Variants in POLQ observed in about 807,000 individuals in gnomAD.
The protein encoded by POLQ is DNA polymerase theta.
A neutral mutation model predicts 259.2 loss-of-function variants in POLQ; 233 were observed. That is an observed-to-expected ratio of 0.90 (90% CI 0.81 to 1.00). The LOEUF (loss-of-function observed/expected upper bound fraction) is 1.00, where lower values mean the gene tolerates loss of function less well. Ranked by LOEUF, POLQ falls within the 50% of genes least tolerant of loss-of-function variation. The pLI, the probability that POLQ is intolerant of heterozygous loss-of-function variation, is 0.00. For missense variants in POLQ, 2,871 were observed against 3,051.6 expected (o/e 0.94, Z 1.39); for synonymous variants, 1,025 against 1,048.8 (o/e 0.98, Z 0.44).
intron 24 of POLQ, among the ~76,000 whole-genome samples, chr3:121,464,497 A>C (rs1365363534): frequency 1.3e-5 from 2 of 152,230 alleles, no homozygotes; most frequent in Admixed American, 1.3e-4. Flanking sequence ...AAAATTTTTA[A>C]AAATGCTCTG....
intron 25 of POLQ, among the ~76,000 whole-genome samples, chr3:121,455,206 C>T (rs1188563119): frequency 6.8e-6 from 1 of 146,622 alleles, no homozygotes; most frequent in Admixed American, 6.8e-5. Flanking sequence ...CACAACATAC[C>T]AGAATCTCTG....
At chr3:121,525,172 T>G (rs2048364177) in intron 7 of POLQ, among the ~76,000 whole-genome samples, 1 of 152,032 alleles carries the variant, frequency 6.6e-6, no homozygotes, top group African/African-American at 2.4e-5. Context: ...AAACCCCGTC[T>G]CTACTAAAAA....
At chr3:121,469,464 G>GT (rs1366468015) in intron 22 of POLQ, among the ~76,000 whole-genome samples, 2 of 152,104 alleles carry the variant, frequency 1.3e-5, no homozygotes, top group Non-Finnish European at 1.5e-5. Context: ...CTTGGACGTT[G>GT]TTTTTTTGAA....
At position 121,461,661 on chromosome 3, in the gene POLQ, AAAAG is replaced by A. The variant is rs553550714; in HGVS notation, c.6968-1431_6968-1428del. ...TGAGACTCCGTCTCAAAAAAAAAAA[AAAAG>A]AAAGAAAAAGAAACATTACATGAAA... On this transcript the variant is annotated intron_variant, in intron 24 of 29. Transcript: ENST00000264233. Among the ~76,000 whole-genome samples the A allele has an allele frequency of 5.0e-3, 719 of 143,098 alleles. 17 individuals carry two copies. Among genetic ancestry groups the A allele is most frequent in the African/African-American group, 0.016 (627 of 39,234 alleles). 93.9% of individuals were successfully genotyped at this position (143,098 alleles called of 152,430 possible).
At chr3:121,542,839 C>A (rs931200558) in intron 2 of POLQ, among the ~76,000 whole-genome samples, 1 of 151,738 alleles carries the variant, frequency 6.6e-6, no homozygotes, top group African/African-American at 2.4e-5. Flanking sequence ...ACTTTGGGGC[C>A]GGGCGTGGTG....
rs1560102054 is a variant in POLQ, at chr3:121,504,832, C to G, written c.1959+4729G>C. ...TCAGTGGAAAGCACTAGCCTTCTCT[C>G]AGATGAGACTTTGGACTTCTGAGTT... is the stretch of plus-strand genomic sequence containing the variant. On this transcript the variant is annotated intron_variant, in intron 12 of 29. Coordinates refer to ENST00000264233, the MANE Select transcript of POLQ (RefSeq NM_199420.4). Among the ~76,000 whole-genome samples, 8 of 152,214 alleles carry G rather than the reference C, an allele frequency of 5.3e-5. 2 individuals carry two copies. The South Asian group carries it at 1.7e-3, about 32-fold the overall frequency.
chr3:121,530,776 T>A (rs1042687869), intron 6 of POLQ, among the ~76,000 whole-genome samples: 2 of 152,172 alleles, frequency 1.3e-5, no homozygotes, highest in Admixed American at 6.5e-5. Flanking sequence ...AAACAAATAT[T>A]TACTATTTGT....
intron 7 of POLQ, among the ~76,000 whole-genome samples, chr3:121,528,504 C>G (rs940953648): frequency 1.8e-4 from 28 of 151,934 alleles, no homozygotes; most frequent in African/African-American, 6.5e-4. Flanking sequence ...CCACCACACC[C>G]AGCTAATTTT....
At chr3:121,497,215 A>G (rs2048131847) in intron 13 of POLQ, among the ~76,000 whole-genome samples, 1 of 152,260 alleles carries the variant, frequency 6.6e-6, no homozygotes, top group South Asian at 2.1e-4. Context: ...ACTTGGTTCA[A>G]GAAATGTGAT....
chr3:121,487,581 C>T lies in POLQ; in HGVS notation c.5350G>A (p.Asp1784Asn), dbSNP rs61734794. The change falls in exon 16 of 30, where the codon GAT (aspartate) becomes AAT (asparagine). Residue 1784 changes from aspartate (D) to asparagine (N), a missense_variant. By Grantham distance (23) the Asp-to-Asn change is conservative. Around this residue, in one of 3 missense-constraint regions of POLQ, gnomAD observed 2,080 missense variants for 2,126.0 expected, o/e 0.98. Transcript: ENST00000264233. Reference protein sequence around the residue: ...FGSPSDIKNHDLSPGSRNGFK... With the variant: ...FGSPSDIKNHNLSPGSRNGFK... ...CCATTTCTACTCCCTGGACTTAAAT[C>T]GTGGTTTTTAATATCTGAAGGTGAG... 1.7e-5 allele frequency: 27 copies of T among 1,613,876 alleles called. No individual in the cohort carries two copies. Among genetic ancestry groups the T allele is most frequent in the African/African-American group, 1.2e-4 (9 of 74,906 alleles).
chr3:121,523,547 A>C (rs565032326), intron 7 of POLQ, among the ~76,000 whole-genome samples: 103 of 150,364 alleles, frequency 6.9e-4, no homozygotes, highest in Middle Eastern at 3.4e-3. Context: ...TCCCATCTCT[A>C]AAAAAAAATA....
intron 17 of POLQ, 57 bp downstream of exon 17, chr3:121,484,984 A>G (rs1215830692): frequency 8.1e-7 from 1 of 1,241,712 alleles, no homozygotes; most frequent in Non-Finnish European, 1.1e-6. Context: ...TAAGATCACT[A>G]CCCTAATGGA....
At chr3:121,509,946 T>G in intron 11 of POLQ, 93 bp downstream of exon 11, 1 of 1,075,136 alleles carries the variant, frequency 9.3e-7, no homozygotes, top group Non-Finnish European at 1.4e-6. Flanking sequence ...CCTTTTATAC[T>G]ACATGAAAAG....
chr3:121,520,973 A>C (rs1395807211), intron 8 of POLQ, among the ~76,000 whole-genome samples: 1 of 152,248 alleles, frequency 6.6e-6, no homozygotes, highest in African/African-American at 2.4e-5. Context: ...TTATTTAAAA[A>C]TTTAAAGGGC....
chr3:121,459,281 T>C (rs747559953), intron 25 of POLQ, among the ~76,000 whole-genome samples: 20 of 152,050 alleles, frequency 1.3e-4, no homozygotes, highest in Non-Finnish European at 2.5e-4. Flanking sequence ...GAGACCACCT[T>C]CTGTACAAAG....
intron 12 of POLQ, among the ~76,000 whole-genome samples, chr3:121,507,516 C>G (rs2048218608): frequency 6.6e-6 from 1 of 152,108 alleles, no homozygotes; most frequent in African/African-American, 2.4e-5. Context: ...CACTTGAGGT[C>G]AGGACTTCAA....
intron 12 of POLQ, among the ~76,000 whole-genome samples, chr3:121,507,050 T>C (rs561255252): frequency 6.6e-6 from 1 of 152,314 alleles, no homozygotes; most frequent in Non-Finnish European, 1.5e-5. Flanking sequence ...GTATGTCTGA[T>C]AATTTCTGTA....
In POLQ at chr3:121,476,598, TG is replaced by T; in HGVS notation, c.6346del (p.Gln2116ArgfsTer5). On this transcript the variant is annotated frameshift_variant, in exon 20 of 30. Coordinates refer to ENST00000264233, the MANE Select transcript of POLQ (RefSeq NM_199420.4). LOFTEE classifies it high-confidence loss of function. The stretch of plus-strand genomic sequence containing the variant: ...ACTGTGGCCAGCTAGTTGATAGGCC[TG>T]GGTCTCAATTGCATCCAGCTTGGCT... ...MQAKLDAIET[Q>X]AYQLAGHSFS... The T allele has an allele frequency of 6.2e-7, 1 of 1,614,002 alleles. No homozygotes were observed. The highest frequency in any genetic ancestry group is 1.6e-4 in the Middle Eastern group (1 of 6,062).
Position 121,537,207 on chromosome 3 carries a change from T to C in POLQ, c.633A>G (p.Gly211=), listed in dbSNP as rs1253655686. 1.3e-6 allele frequency: 2 copies of C among 1,554,434 alleles called. No individual in the cohort carries two copies. Among genetic ancestry groups the C allele is most frequent in the Non-Finnish European group, 1.8e-6 (2 of 1,128,272 alleles). The change falls in exon 5 of 30, where the codon GGA becomes GGG. Residue 211 remains glycine (G), a splice_region_variant and synonymous_variant. Transcript: ENST00000264233. ...LIEENKMDLL[G]MVVVDELHML... The stretch of plus-strand genomic sequence containing the variant: ...TATGTAATTCATCCACAACCACCAT[T>C]CCTAAAAAGATTTTCCAGATACTAG...
Sources: gnomAD v4.1 joint callset for allele counts (sites outside exome capture counted in the v4.1 genomes callset) on GRCh38, gnomAD v4.1.1 for gene constraint, gnomAD v4.1.1 regional missense constraint, MANE v1.5 for transcripts, NCBI Gene and HGNC (gene_info 2026-07-23, HGNC 2026-07-21) for gene names.